Variants in DOCK10 observed in about 807,000 individuals in gnomAD.
DOCK10 encodes dedicator of cytokinesis 10, also known as dedicator of cytokinesis protein 10.
Under a neutral mutation model 280.1 loss-of-function variants are expected in DOCK10, and 145 were observed. That is an observed-to-expected ratio of 0.52 (90% CI 0.45 to 0.59). The LOEUF (loss-of-function observed/expected upper bound fraction) is 0.59. DOCK10 is among the 20% of genes least tolerant of loss of function. The pLI is 0.00. For missense variants in DOCK10, 2,368 were observed against 2,651.7 expected, an observed-to-expected ratio of 0.89 and a Z score of 2.35; for synonymous variants, 915 against 942.2, an observed-to-expected ratio of 0.97 and a Z score of 0.53.
At chr2:224,858,644 C>T (rs1697302606) in intron 14 of DOCK10, among the ~76,000 whole-genome samples, 2 of 152,092 alleles carry the variant, frequency 1.3e-5, no homozygotes, top group African/African-American at 4.8e-5. Flanking sequence ...CAGAGCGAGA[C>T]TCCGTCTCAA....
Position 224,852,440 on chromosome 2 carries a change from T to C in DOCK10, c.2079A>G (p.Ala693=). 6.4e-7 allele frequency: 1 copy of C among 1,558,424 alleles called. No homozygotes were observed. Among genetic ancestry groups the C allele is most frequent in the Non-Finnish European group, 8.7e-7 (1 of 1,150,182 alleles). ...KYDSQKCFNK[A]RNITVCIEFK... is the part of the protein sequence containing the mutation. ...ATTCAATGCACACAGTTATATTCCG[T>C]GCCTGAAATTACGGAGAGAAAAAAT... Residue 693 remains alanine (A), a splice_region_variant and synonymous_variant, in exon 18 of 56, where the codon GCA becomes GCG. Coordinates refer to ENST00000258390, the MANE Select transcript of DOCK10 (RefSeq NM_014689.3).
At chr2:224,796,215 C>A (rs914888496) in intron 44 of DOCK10, 101 bp downstream of exon 44, 21 of 781,388 alleles carry the variant, frequency 2.7e-5, no homozygotes, top group African/African-American at 5.2e-5. Flanking sequence ...AGGCGTGAAC[C>A]ACTGTACCCA....
At chr2:224,954,684 C>G (rs949753449) in intron 1 of DOCK10, among the ~76,000 whole-genome samples, 10 of 152,196 alleles carry the variant, frequency 6.6e-5, no homozygotes, top group African/African-American at 1.9e-4. Context: ...ACAGCTAGCT[C>G]ATAGCATTTC....
intron 1 of DOCK10, among the ~76,000 whole-genome samples, chr2:224,977,261 T>C (rs1292650991): frequency 6.6e-6 from 1 of 152,028 alleles, no homozygotes; most frequent in African/African-American, 2.4e-5. Flanking sequence ...GATTTTAAAG[T>C]TTTTTTTCAC....
intron 1 of DOCK10, among the ~76,000 whole-genome samples, chr2:224,951,724 A>G (rs1455225215): frequency 1.3e-5 from 2 of 152,228 alleles, no homozygotes; most frequent in Non-Finnish European, 2.9e-5. Flanking sequence ...CTGCTTGGAG[A>G]ACCACAAGAC....
chr2:224,879,971 A>C (rs772607247), intron 7 of DOCK10, among the ~76,000 whole-genome samples: 12 of 152,182 alleles, frequency 7.9e-5, no homozygotes, highest in Non-Finnish European at 1.5e-4. Flanking sequence ...GGGAGATAAA[A>C]AGCAACCTAA....
intron 1 of DOCK10, among the ~76,000 whole-genome samples, chr2:224,950,336 T>C (rs1456810264): frequency 1.3e-5 from 2 of 152,248 alleles, no homozygotes; most frequent in African/African-American, 4.8e-5. Context: ...GATGCTGGTC[T>C]AAATTTTTTA....
chr2:224,890,169 C>T (rs1181063004), intron 4 of DOCK10, among the ~76,000 whole-genome samples: 2 of 152,316 alleles, frequency 1.3e-5, no homozygotes, highest in East Asian at 3.9e-4. Context: ...TGTTTCTGAA[C>T]CTCCTATTCT....
chr2:224,957,291 C>CCCA (rs1553622562), intron 1 of DOCK10, among the ~76,000 whole-genome samples: 1 of 146,100 alleles, frequency 6.8e-6, no homozygotes, highest in Non-Finnish European at 1.5e-5. Context: ...TTCCGCCCCC[C>CCCA]CCCGGCTTTG....
chr2:224,910,269 A>C (rs954766932), intron 3 of DOCK10, among the ~76,000 whole-genome samples: 2 of 152,212 alleles, frequency 1.3e-5, no homozygotes, highest in Non-Finnish European at 2.9e-5. Context: ...TCAAAAATCC[A>C]GCCAATGTTC....
chr2:224,819,607 T>C (rs1694373182), intron 28 of DOCK10, 78 bp from the exon 29 acceptor site: 2 of 935,266 alleles, frequency 2.1e-6, no homozygotes, highest in Non-Finnish European at 3.2e-6. Context: ...TGATTAAATA[T>C]ATTGAAGTAA....
chr2:224,923,595 C>G (rs1446822893), intron 2 of DOCK10, among the ~76,000 whole-genome samples: 2 of 152,226 alleles, frequency 1.3e-5, no homozygotes, highest in Non-Finnish European at 2.9e-5. Context: ...GGCCTGCAGA[C>G]ATGGTCTAGG....
At chr2:224,776,956 T>TTATTG (rs1690911417) in intron 51 of DOCK10, among the ~76,000 whole-genome samples, 1 of 152,170 alleles carries the variant, frequency 6.6e-6, no homozygotes, top group Non-Finnish European at 1.5e-5. Context: ...TGGTGACACT[T>TTATTG]TATTGTAATC....
chr2:224,819,674 T>A lies in DOCK10; in HGVS notation c.3184-145A>T, dbSNP rs1574877658. On this transcript the variant is annotated intron_variant, in intron 28 of 55. Coordinates refer to ENST00000258390, the MANE Select transcript of DOCK10 (RefSeq NM_014689.3). ...AGGTATTTAAAAAATCTTCTAAAGA[T>A]GTTTAAGCAGTCATCCACATATGGC... is the stretch of plus-strand genomic sequence containing the variant. The A allele has an allele frequency of 2.1e-5, 11 of 529,034 alleles. No homozygotes were observed. In the East Asian group the frequency reaches 3.6e-4, roughly 17 times the overall value. 32.8% of individuals were successfully genotyped at this position (529,034 alleles called of 1,614,324 possible). A position where few individuals can be genotyped will look rare whatever the true frequency, so the allele number is the denominator to read the frequency against.
Position 224,885,538 on chromosome 2 carries a change from G to A in DOCK10, c.747+133C>T, listed in dbSNP as rs958657202. ...AAGATTTGTGAAAGTAGAGATCCAG[G>A]CTGCCTTGTTTTTCACAGAATTCTT... On this transcript the variant is annotated intron_variant, in intron 7 of 55. Transcript: ENST00000258390. 5 of 874,524 alleles carry A rather than the reference G, an allele frequency of 5.7e-6. No homozygotes were observed. The East Asian group carries it at 9.2e-5, about 16-fold the overall frequency. The allele number at this position is 874,524 out of a possible 1,614,324, so 54.2% of individuals were successfully genotyped here. A position where few individuals can be genotyped will look rare whatever the true frequency, so the allele number is the denominator to read the frequency against.
chr2:224,788,724 A>C (rs1179635772), intron 48 of DOCK10, among the ~76,000 whole-genome samples: 1 of 152,204 alleles, frequency 6.6e-6, no homozygotes, highest in East Asian at 1.9e-4. Context: ...GTCCACCTGC[A>C]TTTGTAAATA....
chr2:224,903,887 A>AC (rs1700446305), intron 3 of DOCK10, among the ~76,000 whole-genome samples: 1 of 152,228 alleles, frequency 6.6e-6, no homozygotes, highest in African/African-American at 2.4e-5. Flanking sequence ...ATTTTAGTGA[A>AC]TAGAAAATAA....
chr2:224,798,096 C>G (rs1328455052), intron 41 of DOCK10, 127 bp from the exon 42 acceptor site: 1 of 865,286 alleles, frequency 1.2e-6, no homozygotes, highest in African/African-American at 1.7e-5. Flanking sequence ...AAGGATTGAA[C>G]AAGGAGACAC....
chr2:224,886,824 G>A lies in DOCK10; in HGVS notation c.417-293C>T, dbSNP rs546333902. ...GGCTAAAGTGCAGTGGCATGATCTC[G>A]GCTCACTGCAACCTCCACCTCCCGG... On this transcript the variant is annotated intron_variant, in intron 4 of 55. Coordinates refer to ENST00000258390, the MANE Select transcript of DOCK10 (RefSeq NM_014689.3). Among the ~76,000 whole-genome samples the A allele has an allele frequency of 5.2e-4, 79 of 151,460 alleles. 1 individual carries two copies. The highest frequency in any genetic ancestry group is 1.9e-3 in the African/African-American group (79 of 40,958).
Sources: gnomAD v4.1 joint callset for allele counts (sites outside exome capture counted in the v4.1 genomes callset) on GRCh38, gnomAD v4.1.1 for gene constraint, MANE v1.5 for transcripts, NCBI Gene and HGNC (gene_info 2026-07-23, HGNC 2026-07-21) for gene names.